THOC1: variants seen among roughly 807,000 people sequenced by gnomAD.
THOC1 encodes THO complex 1.
A neutral mutation model predicts 97.3 loss-of-function variants in THOC1; 29 were observed. The observed-to-expected ratio is 0.30, with a 90% CI of 0.22 to 0.41. The LOEUF (loss-of-function observed/expected upper bound fraction) is 0.41. Among genes scored for constraint, THOC1 ranks in the 10% least tolerant of loss-of-function variants. The probability of loss-of-function intolerance (pLI) is 1.00; values close to 1 mark genes in which losing one functional copy is unlikely to be tolerated. For synonymous variants in THOC1, 255 were observed against 257.0 expected (o/e 0.99, Z 0.07); for missense variants, 529 against 761.9 (o/e 0.69, Z 3.60).
chr18:259,879 C>T (rs991590482), intron 5 of THOC1, 149 bp from the exon 6 acceptor site: 2 of 549,166 alleles, frequency 3.6e-6, no homozygotes, highest in African/African-American at 4.0e-5. Flanking sequence ...ATAACATTTT[C>T]AATGAAATAA....
At chr18:230,226 ACT>A (rs1435349131) in intron 11 of THOC1, among the ~76,000 whole-genome samples, 2 of 150,678 alleles carry the variant, frequency 1.3e-5, no homozygotes, top group East Asian at 3.9e-4. Context: ...CAGCATCTAA[ACT>A]CTCAACAAGG....
intron 19 of THOC1, chr18:215,726 C>A: frequency 2.1e-6 from 1 of 471,874 alleles, no homozygotes; most frequent in Admixed American, 3.7e-5. Flanking sequence ...GAAAGACTCC[C>A]CACCCCCAAT....
At chr18:240,521 A>G (rs1911861601) in intron 11 of THOC1, among the ~76,000 whole-genome samples, 2 of 152,254 alleles carry the variant, frequency 1.3e-5, no homozygotes, top group African/African-American at 4.8e-5. Context: ...GAAGACCATT[A>G]CAAGTCAATT....
At chr18:238,721 G>T (rs1427649881) in intron 11 of THOC1, among the ~76,000 whole-genome samples, 1 of 152,206 alleles carries the variant, frequency 6.6e-6, no homozygotes, top group African/African-American at 2.4e-5. Flanking sequence ...TGGTTGTTAT[G>T]TGGTGCCATT....
At chr18:263,724 T>G in intron 4 of THOC1, 1 of 250,144 alleles carries the variant, frequency 4.0e-6, no homozygotes. Flanking sequence ...TATGTTTTAT[T>G]CACCATTGAA....
At chr18:231,607 C>T (rs1397711718) in intron 11 of THOC1, among the ~76,000 whole-genome samples, 1 of 152,042 alleles carries the variant, frequency 6.6e-6, no homozygotes, top group Non-Finnish European at 1.5e-5. Flanking sequence ...GTACCCACTA[C>T]CCAGCTACAT....
chr18:224,390 C>T (rs762665320), intron 15 of THOC1, among the ~76,000 whole-genome samples: 18 of 151,802 alleles, frequency 1.2e-4, no homozygotes, highest in Non-Finnish European at 2.2e-4. Flanking sequence ...ACCAGCCTGG[C>T]CAACATGGTG....
intron 17 of THOC1, among the ~76,000 whole-genome samples, chr18:221,860 G>A (rs1414559523): frequency 6.6e-6 from 1 of 152,004 alleles, no homozygotes; most frequent in Non-Finnish European, 1.5e-5. Flanking sequence ...CGCCCGCCTT[G>A]GCCTCCCAAA....
At chr18:241,018 A>C (rs1186340530) in intron 11 of THOC1, among the ~76,000 whole-genome samples, 1 of 152,146 alleles carries the variant, frequency 6.6e-6, no homozygotes, top group African/African-American at 2.4e-5. Flanking sequence ...ATCTGATAGG[A>C]GACGGAGCTC....
chr18:225,068 G>A (rs1324339305), intron 14 of THOC1, 21 bp downstream of exon 14: 5 of 1,569,560 alleles, frequency 3.2e-6, no homozygotes, highest in Middle Eastern at 1.7e-4. Context: ...AGAAGAGGAT[G>A]TAAGCATAAA....
At chr18:249,640 T>A (rs1427058901) in intron 9 of THOC1, among the ~76,000 whole-genome samples, 3 of 145,870 alleles carry the variant, frequency 2.1e-5, no homozygotes, top group Non-Finnish European at 4.5e-5. Context: ...CCAGCCTGGG[T>A]GACAGAGCGA....
At chr18:253,583 T>C (rs1188826806) in intron 8 of THOC1, among the ~76,000 whole-genome samples, 2 of 152,226 alleles carry the variant, frequency 1.3e-5, no homozygotes, top group African/African-American at 4.8e-5. Context: ...TATGAGTGGT[T>C]ATAGAAATAA....
intron 11 of THOC1, among the ~76,000 whole-genome samples, chr18:228,140 A>G (rs773596254): frequency 5.3e-5 from 8 of 151,948 alleles, no homozygotes; most frequent in Non-Finnish European, 7.4e-5. Flanking sequence ...CTTGCCCTTA[A>G]CTCCACGGAC....
chr18:227,475 AAAC>A (rs1415373239), intron 11 of THOC1, among the ~76,000 whole-genome samples: 2 of 152,150 alleles, frequency 1.3e-5, no homozygotes, highest in Non-Finnish European at 2.9e-5. Context: ...ACTTGACAAT[AAAC>A]AAGAAATTAG....
chr18:244,410 C>T (rs1567851590), intron 11 of THOC1: 1 of 151,992 alleles, frequency 6.6e-6, no homozygotes, highest in Admixed American at 6.6e-5. Flanking sequence ...GGTAAGTTAT[C>T]CTGGTCTTTA....
At chr18:230,502 G>A (rs1911448401) in intron 11 of THOC1, among the ~76,000 whole-genome samples, 1 of 152,112 alleles carries the variant, frequency 6.6e-6, no homozygotes, top group African/African-American at 2.4e-5. Context: ...AATCAGGGGT[G>A]GAAAGGACCT....
At chr18:223,876 C>T (rs1476292571) in intron 16 of THOC1, among the ~76,000 whole-genome samples, 1 of 152,104 alleles carries the variant, frequency 6.6e-6, no homozygotes, top group Non-Finnish European at 1.5e-5. Flanking sequence ...CCTAGAGACA[C>T]AGATTTTGGA....
intron 11 of THOC1, among the ~76,000 whole-genome samples, chr18:241,079 G>A (rs766381131): frequency 3.3e-5 from 5 of 152,052 alleles, no homozygotes; most frequent in Admixed American, 6.6e-5. Context: ...ATGAAGCTTC[G>A]CTTGCTTGCC....
At position 254,395 on chromosome 18, in the gene THOC1, T is replaced by C. The variant is rs1912374819; in HGVS notation, c.521-40A>G. The C allele has an allele frequency of 3.2e-6, 4 of 1,266,320 alleles. No homozygotes were observed. Among genetic ancestry groups the C allele is most frequent in the African/African-American group, 1.5e-5 (1 of 67,406 alleles). 78.4% of individuals were successfully genotyped at this position (1,266,320 alleles called of 1,614,324 possible). A position where few individuals can be genotyped will look rare whatever the true frequency, so the allele number is the denominator to read the frequency against. On this transcript the variant is annotated intron_variant, in intron 7 of 20. Transcript: ENST00000261600. This position sits in a 1 kb window ranked among gnomAD's most constrained non-coding sequence, Gnocchi z 4.1. Reference sequence around the variant, plus strand: ...AAAAAAAGATGCAAAGCAAGTCCAGTGACACCTAAACTTATGTATAACTTG... The same window carrying C: ...AAAAAAAGATGCAAAGCAAGTCCAGCGACACCTAAACTTATGTATAACTTG...
Sources: gnomAD v4.1 joint callset for allele counts (sites outside exome capture counted in the v4.1 genomes callset) on GRCh38, gnomAD v4.1.1 for gene constraint, Gnocchi (gnomAD v3.1) non-coding constraint, MANE v1.5 for transcripts, NCBI Gene and HGNC (gene_info 2026-07-23, HGNC 2026-07-21) for gene names.